Variants in SLIT2 observed in about 807,000 individuals in gnomAD.
SLIT2 encodes the protein slit guidance ligand 2.
Under a neutral mutation model 185.7 loss-of-function variants are expected in SLIT2, and 41 were observed. The ratio of observed to expected loss-of-function variants is 0.22; its 90% CI spans 0.17 to 0.29. The LOEUF (loss-of-function observed/expected upper bound fraction) is 0.29. Among genes scored for constraint, SLIT2 ranks in the 10% least tolerant of loss-of-function variants. The pLI is 1.00. For missense variants in SLIT2, 1,571 were observed against 1,909.0 expected (o/e 0.82, Z 3.30); for synonymous variants, 693 against 680.2 (o/e 1.02, Z -0.29).
intron 12 of SLIT2, among the ~76,000 whole-genome samples, chr4:20,521,453 C>A (rs913454664): frequency 3.3e-5 from 5 of 152,204 alleles, no homozygotes; most frequent in African/African-American, 9.7e-5. Flanking sequence ...TTGGGCCACA[C>A]TGAGTTAAAG....
intron 22 of SLIT2, 36 bp from the exon 23 acceptor site, chr4:20,548,452 G>C: frequency 9.7e-7 from 1 of 1,032,086 alleles, no homozygotes; most frequent in Non-Finnish European, 1.5e-6. Context: ...TCATTTCTGT[G>C]GTTAATAGTG....
At chr4:20,472,850 A>G (rs550774629) in intron 5 of SLIT2, among the ~76,000 whole-genome samples, 5 of 151,232 alleles carry the variant, frequency 3.3e-5, no homozygotes, top group Admixed American at 3.3e-4. Flanking sequence ...AACTAATAGT[A>G]CTTAGTAAGT....
At chr4:20,558,818 T>A (rs1027169918) in intron 26 of SLIT2, among the ~76,000 whole-genome samples, 3 of 152,058 alleles carry the variant, frequency 2.0e-5, no homozygotes, top group Non-Finnish European at 4.4e-5. Flanking sequence ...ATGTTCCAAA[T>A]CTGCACTATT....
intron 26 of SLIT2, among the ~76,000 whole-genome samples, chr4:20,560,265 C>G (rs1724591586): frequency 6.6e-6 from 1 of 151,840 alleles, no homozygotes; most frequent in African/African-American, 2.4e-5. Flanking sequence ...GTTTACATAG[C>G]TATATTTAAA....
At chr4:20,310,506 A>G (rs997881679) in intron 4 of SLIT2, among the ~76,000 whole-genome samples, 1 of 152,120 alleles carries the variant, frequency 6.6e-6, no homozygotes, top group African/African-American at 2.4e-5. Context: ...GTAAGCCTTC[A>G]TCCCTGACAA....
chr4:20,281,079 C>T (rs554185007), intron 4 of SLIT2, among the ~76,000 whole-genome samples: 11 of 152,140 alleles, frequency 7.2e-5, no homozygotes, highest in Admixed American at 2.0e-4. Context: ...GTGATCCGCC[C>T]GCCTCGGCCT....
chr4:20,603,788 T>C (rs1578008669), intron 33 of SLIT2, among the ~76,000 whole-genome samples: 1 of 152,160 alleles, frequency 6.6e-6, no homozygotes, highest in South Asian at 2.1e-4. Flanking sequence ...GGCTTACATT[T>C]CAACAAAAAT....
At chr4:20,587,179 C>G (rs1234580548) in intron 29 of SLIT2, among the ~76,000 whole-genome samples, 1 of 152,002 alleles carries the variant, frequency 6.6e-6, no homozygotes, top group Non-Finnish European at 1.5e-5. Flanking sequence ...CCACCACACC[C>G]AGCTAATTTT....
intron 4 of SLIT2, among the ~76,000 whole-genome samples, chr4:20,462,166 C>G (rs1713793323): frequency 6.6e-6 from 1 of 152,136 alleles, no homozygotes; most frequent in African/African-American, 2.4e-5. Flanking sequence ...TTTGAAGATG[C>G]TTACATTCAC....
intron 4 of SLIT2, among the ~76,000 whole-genome samples, chr4:20,381,825 A>C (rs1052592070): frequency 6.6e-6 from 1 of 152,064 alleles, no homozygotes; most frequent in Non-Finnish European, 1.5e-5. Context: ...TTCTCAATGT[A>C]TTTTATGATA....
chr4:20,585,984 C>G (rs1727026650), intron 29 of SLIT2, among the ~76,000 whole-genome samples: 1 of 152,148 alleles, frequency 6.6e-6, no homozygotes. Flanking sequence ...CATTTTATCT[C>G]TATTCTTCCT....
chr4:20,268,696 A>G (rs945642414), intron 3 of SLIT2, 114 bp from the exon 4 acceptor site: 3 of 762,954 alleles, frequency 3.9e-6, no homozygotes, highest in Non-Finnish European at 7.0e-6. Context: ...AATTCTCCTG[A>G]ATGTCATTTC....
chr4:20,307,156 C>CCT (rs1553876282), intron 4 of SLIT2, among the ~76,000 whole-genome samples: 3 of 15,454 alleles, frequency 1.9e-4, no homozygotes, highest in Admixed American at 1.1e-3. Context: ...CCCTCCCTCC[C>CCT]TCCCTCCTTC....
chr4:20,322,795 G>A (rs995477311), intron 4 of SLIT2, among the ~76,000 whole-genome samples: 6 of 152,028 alleles, frequency 3.9e-5, no homozygotes, highest in African/African-American at 1.5e-4. Flanking sequence ...TTCTTTATAG[G>A]TTTCGGTGAT....
At chr4:20,350,827 C>CA (rs1380964640) in intron 4 of SLIT2, among the ~76,000 whole-genome samples, 5 of 150,834 alleles carry the variant, frequency 3.3e-5, no homozygotes, top group Non-Finnish European at 7.4e-5. Flanking sequence ...CCCATCTCTA[C>CA]AAAAAAAATA....
intron 15 of SLIT2, among the ~76,000 whole-genome samples, chr4:20,525,769 G>A (rs1721233570): frequency 6.6e-6 from 1 of 152,034 alleles, no homozygotes; most frequent in Non-Finnish European, 1.5e-5. Flanking sequence ...TCTATATCCA[G>A]AATTACAATA....
At chr4:20,490,956 G>A in intron 8 of SLIT2, 3 of 646,136 alleles carry the variant, frequency 4.6e-6, no homozygotes, top group South Asian at 3.6e-5. Context: ...GTTGGAAAGG[G>A]CAGTCCCCAC....
intron 33 of SLIT2, among the ~76,000 whole-genome samples, chr4:20,605,019 A>G (rs1465182052): frequency 2.5e-4 from 38 of 151,850 alleles, no homozygotes; most frequent in Non-Finnish European, 1.0e-4. Flanking sequence ...TTTTTTTACT[A>G]GAGACGGGGT....
intron 4 of SLIT2, among the ~76,000 whole-genome samples, chr4:20,380,830 G>T (rs1225874188): frequency 1.3e-5 from 2 of 152,010 alleles, no homozygotes; most frequent in African/African-American, 4.8e-5. Flanking sequence ...AGGGGGACAA[G>T]CAGAAAAATA....
Sources: allele counts gnomAD v4.1 joint callset (sites outside exome capture counted in the v4.1 genomes callset), GRCh38; gene constraint gnomAD v4.1.1; transcripts MANE v1.5; gene names NCBI Gene and HGNC (gene_info 2026-07-23, HGNC 2026-07-21).